CFAP57: variants seen among roughly 807,000 people sequenced by gnomAD.
CFAP57 encodes the protein cilia and flagella associated protein 57, also known as cilia- and flagella-associated protein 57.
CFAP57 carries 116 observed loss-of-function variants against 146.8 expected under a neutral mutation model. That is an observed-to-expected ratio of 0.79 (90% CI 0.68 to 0.92). CFAP57 has a LOEUF of 0.92. CFAP57 is among the 40% of genes least tolerant of loss of function. CFAP57 has a pLI of 0.00. For synonymous variants in CFAP57, 518 were observed against 552.8 expected (o/e 0.94, Z 0.88); for missense variants, 1,377 against 1,527.2 (o/e 0.90, Z 1.64).
At position 43,222,287 on chromosome 1, in the gene CFAP57, C is replaced by T; in HGVS notation, c.2524C>T (p.Leu842=). Residue 842 remains leucine, a synonymous_variant, in exon 15 of 23, where the codon CTG becomes TTG. Transcript: ENST00000372492. ...EAKLQEKTTL[L]EEAQEDVRQQ... is the part of the protein sequence containing the mutation. Reference sequence around the variant, plus strand: ...AAAACTGCAGGAGAAAACCACCCTTCTGGAAGAGGTACTCACAGGAAGCCA... The same window carrying T: ...AAAACTGCAGGAGAAAACCACCCTTTTGGAAGAGGTACTCACAGGAAGCCA... 1 of 1,441,008 alleles carries T rather than the reference C, an allele frequency of 6.9e-7. No homozygotes were observed. The highest frequency in any genetic ancestry group is 9.1e-7 in the Non-Finnish European group (1 of 1,092,924). 89.3% of individuals were successfully genotyped at this position (1,441,008 alleles called of 1,614,324 possible).
At chr1:43,174,706 C>T (rs1645104632) in intron 2 of CFAP57, among the ~76,000 whole-genome samples, 1 of 152,172 alleles carries the variant, frequency 6.6e-6, no homozygotes, top group South Asian at 2.1e-4. Context: ...GTCCCAGCTA[C>T]TCGGGAGGCT....
chr1:43,243,815 A>T (rs1646016459), intron 22 of CFAP57, among the ~76,000 whole-genome samples: 1 of 152,226 alleles, frequency 6.6e-6, no homozygotes, highest in Non-Finnish European at 1.5e-5. Context: ...TAAAATGAAG[A>T]CAAAAAGCAA....
At chr1:43,192,239 G>A (rs752643465) in intron 6 of CFAP57, among the ~76,000 whole-genome samples, 11 of 152,126 alleles carry the variant, frequency 7.2e-5, no homozygotes, top group Non-Finnish European at 1.2e-4. Context: ...TTCTATATAC[G>A]TCTGTTAGGT....
intron 22 of CFAP57, among the ~76,000 whole-genome samples, chr1:43,245,790 T>C (rs1172397803): frequency 2.0e-5 from 3 of 152,158 alleles, no homozygotes; most frequent in African/African-American, 7.2e-5. Context: ...CACCAGAGTA[T>C]GAGGAAAGAA....
chr1:43,232,966 A>C (rs1320494624), intron 19 of CFAP57, among the ~76,000 whole-genome samples: 1 of 152,196 alleles, frequency 6.6e-6, no homozygotes, highest in Non-Finnish European at 1.5e-5. Flanking sequence ...ATGACCGAAA[A>C]ATTGCCAAGG....
chr1:43,251,735 C>G (rs1265008740), intron 22 of CFAP57, among the ~76,000 whole-genome samples: 1 of 152,226 alleles, frequency 6.6e-6, no homozygotes. Flanking sequence ...TAAATTCTGA[C>G]TATTGATCTA....
chr1:43,231,488 C>T (rs533499067), intron 18 of CFAP57, among the ~76,000 whole-genome samples: 2 of 152,284 alleles, frequency 1.3e-5, no homozygotes, highest in East Asian at 3.9e-4. Context: ...CACAGCTAGT[C>T]TCATCCTAAT....
chr1:43,250,656 T>G (rs550274511), intron 22 of CFAP57, among the ~76,000 whole-genome samples: 98 of 152,228 alleles, frequency 6.4e-4, no homozygotes, highest in African/African-American at 2.3e-3. Context: ...GCCCCTAGTG[T>G]CCAAACTGAA....
rs1014047740 is a variant in CFAP57 at position 43,219,405 on chromosome 1, G to A, written c.2115G>A (p.Lys705=). ...AGGCTCAGGTTATGTTGGAGCTAAA[G>A]ACTCGTGTGGAGGAATTAAAAATGG... is the stretch of plus-strand genomic sequence containing the variant. ...EEKAQVMLEL[K]TRVEELKMEN... Residue 705 remains lysine (K), a synonymous_variant, in exon 13 of 23, where the codon AAG becomes AAA. Transcript: ENST00000372492. 2.6e-6 allele frequency: 4 copies of A among 1,550,618 alleles called. No homozygotes were observed. In the South Asian group the frequency reaches 4.8e-5, roughly 18 times the overall value.
chr1:43,223,000 A>G lies in CFAP57; in HGVS notation c.2706+3A>G. On this transcript the variant is annotated splice_donor_region_variant and intron_variant, in intron 16 of 22. Transcript: ENST00000372492. ...AAACAGGCATCATGAGGAAGAAGGT[A>G]GCAGGCTGTTCTCCAAGAGACCTAG... The G allele has an allele frequency of 1.3e-6, 2 of 1,547,224 alleles. No individual in the cohort carries two copies. The highest frequency in any genetic ancestry group is 1.7e-6 in the Non-Finnish European group (2 of 1,145,268).
At chr1:43,243,905 G>A (rs1028098171) in intron 22 of CFAP57, among the ~76,000 whole-genome samples, 1 of 152,178 alleles carries the variant, frequency 6.6e-6, no homozygotes, top group African/African-American at 2.4e-5. Flanking sequence ...ATATCCTAAA[G>A]TTCCTCTGAA....
chr1:43,199,843 G>A (rs1644038714), intron 9 of CFAP57, among the ~76,000 whole-genome samples: 1 of 152,216 alleles, frequency 6.6e-6, no homozygotes, highest in South Asian at 2.1e-4. Context: ...AAAGGCCAGA[G>A]ATGGGAGACT....
intron 6 of CFAP57, among the ~76,000 whole-genome samples, chr1:43,192,714 C>T (rs1457627115): frequency 4.0e-5 from 6 of 151,748 alleles, no homozygotes; most frequent in South Asian, 2.1e-4. Flanking sequence ...CATCTAAGGT[C>T]GAGAGGTCGA....
chr1:43,173,451 C>T (rs1645054447), intron 2 of CFAP57, among the ~76,000 whole-genome samples: 1 of 152,172 alleles, frequency 6.6e-6, no homozygotes, highest in African/African-American at 2.4e-5. Context: ...GTGACATATA[C>T]ATACAAAAGA....
intron 5 of CFAP57, 102 bp downstream of exon 5, chr1:43,185,458 A>T: frequency 9.4e-7 from 1 of 1,059,318 alleles, no homozygotes; most frequent in African/African-American, 1.6e-5. Context: ...GGGATAGGGC[A>T]GGATTGCTGA....
At chr1:43,180,932 G>C (rs919129460) in intron 2 of CFAP57, among the ~76,000 whole-genome samples, 18 of 152,138 alleles carry the variant, frequency 1.2e-4, no homozygotes, top group African/African-American at 3.6e-4. Flanking sequence ...CCCGCACTAT[G>C]CTGTACCCTT....
rs183565621 is a variant in CFAP57 at position 43,254,120 on chromosome 1, C to G, written c.3682C>G (p.His1228Asp). ...AGAGCAAGAGCAGGTCACAGGGTTC[C>G]ACACCCTCGCTGGAGTTCGGCTTCC... is the stretch of plus-strand genomic sequence containing the variant. ...IQEQEQVTGF[H>D]TLAGVRLPSL... is the part of the protein sequence containing the mutation. The change falls in exon 23 of 23, where the codon CAC (histidine) becomes GAC (aspartate). Residue 1228 changes from histidine to aspartate, a missense_variant. Transcript: ENST00000372492. The G allele has an allele frequency of 6.4e-7, 1 of 1,550,744 alleles. No homozygotes were observed. Among genetic ancestry groups the G allele is most frequent in the African/African-American group, 1.4e-5 (1 of 73,154 alleles).
At chr1:43,231,180 CA>C (rs1645451263) in intron 18 of CFAP57, among the ~76,000 whole-genome samples, 1 of 152,162 alleles carries the variant, frequency 6.6e-6, no homozygotes, top group Non-Finnish European at 1.5e-5. Context: ...TCTGTCTATA[CA>C]AAATGCTTCC....
Position 43,198,147 on chromosome 1 carries a change from G to C in CFAP57, c.1263-334G>C, listed in dbSNP as rs141751362. ...CTTCCCTGGGAAGCTCCAACCCTAG[G>C]TGGACCCCCACCCCCTACTGTTTTC... On this transcript the variant is annotated intron_variant, in intron 7 of 22. Coordinates refer to ENST00000372492, the MANE Select transcript of CFAP57 (RefSeq NM_001378189.1). 1.9e-3 allele frequency among the ~76,000 whole-genome samples: 292 copies of C among 152,186 alleles called. 1 individual carries two copies. Among genetic ancestry groups the C allele is most frequent in the African/African-American group, 6.7e-3 (279 of 41,506 alleles).
Sources: allele counts gnomAD v4.1 joint callset (sites outside exome capture counted in the v4.1 genomes callset), GRCh38; gene constraint gnomAD v4.1.1; transcripts MANE v1.5; gene names NCBI Gene and HGNC (gene_info 2026-07-23, HGNC 2026-07-21).